CMIP: variants seen among roughly 807,000 people sequenced by gnomAD.
The protein encoded by CMIP is C-Maf-inducing protein.
Under a neutral mutation model 97.3 loss-of-function variants are expected in CMIP, and 13 were observed. The ratio of observed to expected loss-of-function variants is 0.13; its 90% CI spans 0.09 to 0.21. The LOEUF (loss-of-function observed/expected upper bound fraction) is 0.21, where lower values mean the gene tolerates loss of function less well. Ranked by LOEUF, CMIP falls within the 10% of genes least tolerant of loss-of-function variation. The pLI is 1.00. For synonymous variants in CMIP, 538 were observed against 436.3 expected (o/e 1.23, Z -2.91); for missense variants, 847 against 1,024.9 (o/e 0.83, Z 2.37).
rs749347143 is a variant in CMIP at position 81,639,411 on chromosome 16, C to T, written c.478-12792C>T. ...CCAAATGGAAACTCTGTCCCCATTA[C>T]CCCCTCCCCCAGCCCCTGGCATCCA... is the stretch of plus-strand genomic sequence containing the variant. On this transcript the variant is annotated intron_variant, in intron 3 of 20. Coordinates refer to ENST00000537098, the MANE Select transcript of CMIP (RefSeq NM_198390.3). Among the ~76,000 whole-genome samples, 38 of 152,172 alleles carry T rather than the reference C, an allele frequency of 2.5e-4. 1 individual carries two copies. Among genetic ancestry groups the T allele is most frequent in the Admixed American group, 7.9e-4 (12 of 15,278 alleles).
intron 1 of CMIP, among the ~76,000 whole-genome samples, chr16:81,508,342 G>A (rs1360222641): frequency 3.9e-5 from 6 of 152,074 alleles, no homozygotes; most frequent in South Asian, 2.1e-4. Context: ...ACGCAAATAC[G>A]TACAAATTTG....
rs1326270774 is a variant in CMIP at position 81,627,655 on chromosome 16, G to A, written c.477+6729G>A. Among the ~76,000 whole-genome samples, 3 of 151,912 alleles carry A rather than the reference G, an allele frequency of 2.0e-5. No homozygotes were observed. Among genetic ancestry groups the A allele is most frequent in the South Asian group, 2.1e-4 (1 of 4,818 alleles). ...TATGTGCCCCTGTGCTCCTGAGTCC[G>A]GAAACAGTTCTGTGGGGTCCACATC... On this transcript the variant is annotated intron_variant, in intron 3 of 20. Transcript: ENST00000537098. This position sits in a 1 kb window ranked among gnomAD's most constrained non-coding sequence, Gnocchi z 4.6.
chr16:81,486,674 C>A (rs1450518636), intron 1 of CMIP, among the ~76,000 whole-genome samples: 1 of 152,220 alleles, frequency 6.6e-6, no homozygotes, highest in African/African-American at 2.4e-5. Context: ...GAGCCAGACT[C>A]CCCAGGAACT....
At chr16:81,489,957 C>A (rs1009157613) in intron 1 of CMIP, among the ~76,000 whole-genome samples, 69 of 152,270 alleles carry the variant, frequency 4.5e-4, no homozygotes, top group African/African-American at 1.6e-3. Context: ...TATGTGTTTC[C>A]GGCCACCGGG....
At chr16:81,447,687 A>G (rs752549488) in intron 1 of CMIP, among the ~76,000 whole-genome samples, 3 of 152,204 alleles carry the variant, frequency 2.0e-5, no homozygotes, top group Non-Finnish European at 4.4e-5. Flanking sequence ...TGTTTGATGG[A>G]CTGGCATAAT....
intron 1 of CMIP, among the ~76,000 whole-genome samples, chr16:81,525,299 A>G (rs900076642): frequency 2.6e-5 from 4 of 151,170 alleles, no homozygotes; most frequent in Non-Finnish European, 4.4e-5. Flanking sequence ...ACCCGCCATT[A>G]TGCCTGGCTA....
chr16:81,523,476 C>G (rs2090069033), intron 1 of CMIP, among the ~76,000 whole-genome samples: 1 of 152,196 alleles, frequency 6.6e-6, no homozygotes. Context: ...ACCCTCCCAG[C>G]ACATTTTGGT....
intron 1 of CMIP, among the ~76,000 whole-genome samples, chr16:81,495,931 T>TC (rs1424155030): frequency 1.3e-5 from 2 of 151,660 alleles, no homozygotes; most frequent in Non-Finnish European, 2.9e-5. Context: ...AATCCCCAGC[T>TC]CCCCCAGCTC....
chr16:81,526,924 C>T (rs1381730396), intron 1 of CMIP, among the ~76,000 whole-genome samples: 1 of 152,228 alleles, frequency 6.6e-6, no homozygotes, highest in South Asian at 2.1e-4. Context: ...GGAATCTTCT[C>T]TCAGTTCCTT....
intron 1 of CMIP, chr16:81,518,572 C>T (rs991215555): frequency 6.6e-6 from 1 of 152,268 alleles, no homozygotes; most frequent in East Asian, 1.9e-4. Flanking sequence ...GGGCCTTTGG[C>T]TTACAGGCTG....
intron 1 of CMIP, among the ~76,000 whole-genome samples, chr16:81,601,722 G>T (rs2091660845): frequency 6.6e-6 from 1 of 152,226 alleles, no homozygotes; most frequent in African/African-American, 2.4e-5. Flanking sequence ...CCATTCTCCA[G>T]CTCCCATGGA....
intron 1 of CMIP, among the ~76,000 whole-genome samples, chr16:81,585,913 C>T (rs2091374607): frequency 6.6e-6 from 1 of 152,142 alleles, no homozygotes; most frequent in Admixed American, 6.5e-5. Flanking sequence ...ACCTGTCTCA[C>T]CAGCACTGAT....
chr16:81,559,002 GCATTACCCCGTGTTTGTGAA>G (rs1271005431), intron 1 of CMIP, among the ~76,000 whole-genome samples: 1 of 152,150 alleles, frequency 6.6e-6, no homozygotes, highest in Non-Finnish European at 1.5e-5. Context: ...TGTGGGATCC[GCATTACCCCGTGTTTGTGAA>G]TGATCGGGGT....
intron 3 of CMIP, chr16:81,645,397 A>G: frequency 1.4e-6 from 2 of 1,468,342 alleles, no homozygotes; most frequent in Non-Finnish European, 9.0e-7. Flanking sequence ...GCAGCAGCAG[A>G]GCAGCAGAGC....
chr16:81,674,423 G>A (rs546778933), intron 9 of CMIP, among the ~76,000 whole-genome samples: 11 of 151,320 alleles, frequency 7.3e-5, no homozygotes, highest in Admixed American at 5.9e-4. Context: ...GAGCCACCGC[G>A]CCTGGCTTAC....
intron 1 of CMIP, chr16:81,463,773 G>A (rs1274765861): frequency 6.6e-6 from 1 of 152,306 alleles, no homozygotes; most frequent in Non-Finnish European, 1.5e-5. Context: ...GTGGAGCTGC[G>A]ATGCAAACCC....
chr16:81,690,423 G>C (rs893949769), intron 10 of CMIP, among the ~76,000 whole-genome samples: 7 of 152,220 alleles, frequency 4.6e-5, no homozygotes, highest in Non-Finnish European at 7.3e-5. Flanking sequence ...TAGAAAAGAA[G>C]AAAAGCTGTT....
intron 7 of CMIP, 36 bp from the exon 8 acceptor site, chr16:81,670,106 C>T: frequency 6.3e-7 from 1 of 1,577,054 alleles, no homozygotes; most frequent in South Asian, 1.2e-5. Context: ...CCCTGCCTAG[C>T]ACCGTCCCGA....
At chr16:81,516,284 G>A (rs1012113349) in intron 1 of CMIP, among the ~76,000 whole-genome samples, 7 of 152,082 alleles carry the variant, frequency 4.6e-5, no homozygotes, top group African/African-American at 1.2e-4. Flanking sequence ...TGATTCCTCC[G>A]GGGATTTTCT....
Sources: allele counts gnomAD v4.1 joint callset (sites outside exome capture counted in the v4.1 genomes callset), GRCh38; gene constraint gnomAD v4.1.1; non-coding constraint Gnocchi (gnomAD v3.1); transcripts MANE v1.5; gene names NCBI Gene and HGNC (gene_info 2026-07-23, HGNC 2026-07-21).